HIPK2: variants seen among roughly 807,000 people sequenced by gnomAD.
HIPK2 encodes the protein homeodomain-interacting protein kinase 2.
Under a neutral mutation model 113.7 loss-of-function variants are expected in HIPK2, and 27 were observed. The observed-to-expected ratio is 0.24, with a 90% confidence interval of 0.17 to 0.33. The LOEUF (loss-of-function observed/expected upper bound fraction) is 0.33, where lower values mean the gene tolerates loss of function less well. Ranked by LOEUF, HIPK2 falls within the 10% of genes least tolerant of loss-of-function variation. The pLI is 1.00. For synonymous variants in HIPK2, 631 were observed against 642.2 expected (o/e 0.98, Z 0.26); for missense variants, 1,257 against 1,588.0 (o/e 0.79, Z 3.54).
intron 4 of HIPK2, 103 bp from the exon 5 acceptor site, chr7:139,629,142 A>G: frequency 1.1e-6 from 1 of 880,790 alleles, no homozygotes; most frequent in Non-Finnish European, 1.8e-6. Flanking sequence ...TCTTTCCCAC[A>G]TTTCGGAAGA....
At chr7:139,771,467 T>A (rs976197686) in intron 1 of HIPK2, among the ~76,000 whole-genome samples, 3 of 151,518 alleles carry the variant, frequency 2.0e-5, no homozygotes, top group African/African-American at 7.3e-5. Flanking sequence ...CCGAAATGAA[T>A]GCGAGCTACA....
chr7:139,753,363 C>T (rs1796311474), intron 1 of HIPK2, among the ~76,000 whole-genome samples: 1 of 152,178 alleles, frequency 6.6e-6, no homozygotes, highest in East Asian at 1.9e-4. Context: ...GGACCAGCAA[C>T]CACGGGAGCC....
chr7:139,620,802 T>C (rs1390363351), intron 6 of HIPK2, among the ~76,000 whole-genome samples: 1 of 152,212 alleles, frequency 6.6e-6, no homozygotes, highest in Admixed American at 6.5e-5. Context: ...TTTCTCCATA[T>C]AGGTTCTATA....
intron 2 of HIPK2, among the ~76,000 whole-genome samples, chr7:139,687,001 C>A (rs1001366359): frequency 6.6e-6 from 1 of 152,224 alleles, no homozygotes; most frequent in Non-Finnish European, 1.5e-5. Context: ...CAGTCAGCAA[C>A]GATTGACATC....
chr7:139,703,685 C>T (rs1794778898), intron 2 of HIPK2, among the ~76,000 whole-genome samples: 1 of 61,740 alleles, frequency 1.6e-5, no homozygotes, highest in Non-Finnish European at 3.0e-5. Context: ...CCAACACATA[C>T]CACACCCAAC....
rs1800625121 is a variant in HIPK2, at chr7:139,631,731, A to G, written c.1104-6T>C. Reference sequence around the variant, plus strand: ...CAAGGATGATCTCAGGGGCCCTGAAAAGGAAGAATGGAAGAAACCATTAGC... The same window carrying G: ...CAAGGATGATCTCAGGGGCCCTGAAGAGGAAGAATGGAAGAAACCATTAGC... On this transcript the variant is annotated splice_polypyrimidine_tract_variant and splice_region_variant and intron_variant, in intron 2 of 14. Transcript: ENST00000406875. This position sits in a 1 kb window ranked among gnomAD's most constrained non-coding sequence, Gnocchi z 4.9. 1 of 1,611,248 alleles carries G rather than the reference A, an allele frequency of 6.2e-7. No homozygotes were observed. Among genetic ancestry groups the G allele is most frequent in the African/African-American group, 1.3e-5 (1 of 74,758 alleles).
intron 1 of HIPK2, among the ~76,000 whole-genome samples, chr7:139,717,674 C>T (rs746806216): frequency 4.6e-5 from 7 of 152,174 alleles, no homozygotes; most frequent in African/African-American, 7.2e-5. Context: ...TTCACTCACG[C>T]TTCCTGCTAA....
intron 1 of HIPK2, among the ~76,000 whole-genome samples, chr7:139,749,330 T>G (rs1323891323): frequency 6.6e-6 from 1 of 152,234 alleles, no homozygotes; most frequent in Non-Finnish European, 1.5e-5. Context: ...ACATCACGTG[T>G]CTGGGTTATA....
chr7:139,653,569 T>C (rs910159558), intron 2 of HIPK2, among the ~76,000 whole-genome samples: 10 of 151,716 alleles, frequency 6.6e-5, no homozygotes, highest in African/African-American at 2.4e-4. Context: ...GCAAAGGAAA[T>C]CAGCTTCCAC....
chr7:139,742,544 G>A (rs189394797), intron 1 of HIPK2, among the ~76,000 whole-genome samples: 19 of 151,542 alleles, frequency 1.3e-4, no homozygotes, highest in African/African-American at 4.4e-4. Context: ...ACTCTTTTTT[G>A]TCAGGATAGG....
intron 13 of HIPK2, among the ~76,000 whole-genome samples, chr7:139,580,660 G>A (rs1248807253): frequency 3.3e-5 from 5 of 152,234 alleles, no homozygotes; most frequent in African/African-American, 1.2e-4. Context: ...AAGCTCCAGG[G>A]CCAGACCTCT....
At chr7:139,745,413 C>T (rs976294823) in intron 1 of HIPK2, among the ~76,000 whole-genome samples, 7 of 152,144 alleles carry the variant, frequency 4.6e-5, no homozygotes, top group South Asian at 2.1e-4. Context: ...ATCCTCCCCC[C>T]GAGTCTAAAG....
chr7:139,723,149 T>C (rs1002935031), intron 1 of HIPK2, among the ~76,000 whole-genome samples: 1 of 152,028 alleles, frequency 6.6e-6, no homozygotes, highest in Non-Finnish European at 1.5e-5. Context: ...ATCTTCATGA[T>C]TTCTTGAAGT....
At chr7:139,706,130 C>T (rs1794892513) in intron 2 of HIPK2, among the ~76,000 whole-genome samples, 1 of 152,172 alleles carries the variant, frequency 6.6e-6, no homozygotes, top group Admixed American at 6.5e-5. Context: ...TTCTCATTTT[C>T]TGCGAAGGTA....
chr7:139,671,642 C>T (rs1284594728), intron 2 of HIPK2, among the ~76,000 whole-genome samples: 3 of 152,118 alleles, frequency 2.0e-5, no homozygotes, highest in Non-Finnish European at 4.4e-5. Flanking sequence ...ACCTCCGTCT[C>T]CTGGTTCAAG....
chr7:139,608,200 C>T (rs1296701845), intron 9 of HIPK2, among the ~76,000 whole-genome samples: 2 of 151,150 alleles, frequency 1.3e-5, no homozygotes, highest in Non-Finnish European at 2.9e-5. Context: ...GCTGAGATTG[C>T]ACCACTGCAC....
chr7:139,625,502 C>T (rs534709029), intron 6 of HIPK2, among the ~76,000 whole-genome samples: 83 of 152,324 alleles, frequency 5.4e-4, no homozygotes, highest in African/African-American at 1.7e-3. Flanking sequence ...TTAACATGTA[C>T]GGCCTGCCCT....
chr7:139,714,785 C>G lies in HIPK2; in HGVS notation c.1103+1147G>C, dbSNP rs1795171440. Reference sequence around the variant, plus strand: ...TCCACTGCACTGTTCGGCACCACCCCAAACACACCCCCAGGCTGGTTCCAC... The same window carrying G: ...TCCACTGCACTGTTCGGCACCACCCGAAACACACCCCCAGGCTGGTTCCAC... On this transcript the variant is annotated intron_variant, in intron 2 of 14. Coordinates refer to ENST00000406875, the MANE Select transcript of HIPK2 (RefSeq NM_022740.5). The surrounding 1 kb of genome is among the most constrained non-coding windows in gnomAD (Gnocchi z 4.2). Among the ~76,000 whole-genome samples the G allele has an allele frequency of 6.6e-6, 1 of 152,172 alleles. No individual in the cohort carries two copies. The highest frequency in any genetic ancestry group is 1.5e-5 in the Non-Finnish European group (1 of 68,016).
rs961113657 is a variant in HIPK2, at chr7:139,754,559, G to A, written c.19+23046C>T. On this transcript the variant is annotated intron_variant, in intron 1 of 14. Transcript: ENST00000406875. ...ACATAGAAAAGCTAAGTGTGTGAGAGAGACAGAGAGTGTGTGTGTGCAGTA... is the reference window on the plus strand; with the variant it reads ...ACATAGAAAAGCTAAGTGTGTGAGAAAGACAGAGAGTGTGTGTGTGCAGTA... Among the ~76,000 whole-genome samples the A allele has an allele frequency of 3.9e-5, 6 of 152,218 alleles. No individual in the cohort carries two copies. The East Asian group carries it at 9.6e-4, about 24-fold the overall frequency.
Sources: gnomAD v4.1 joint callset for allele counts (sites outside exome capture counted in the v4.1 genomes callset) on GRCh38, gnomAD v4.1.1 for gene constraint, Gnocchi (gnomAD v3.1) non-coding constraint, MANE v1.5 for transcripts, NCBI Gene and HGNC (gene_info 2026-07-23, HGNC 2026-07-21) for gene names.